The following CRPPA variants were observed in gnomAD, a reference collection of about 807,000 sequenced individuals.
CRPPA encodes D-ribitol-5-phosphate cytidylyltransferase.
Under a neutral mutation model 52.0 loss-of-function variants are expected in CRPPA, and 43 were observed. The observed-to-expected ratio is 0.83, with a 90% confidence interval of 0.65 to 1.07. CRPPA has a LOEUF of 1.07. Ranked by LOEUF, CRPPA falls within the 50% of genes least tolerant of loss-of-function variation. The pLI is 0.00. For missense variants in CRPPA, 629 were observed against 551.7 expected (o/e 1.14, Z -1.40); for synonymous variants, 250 against 203.5 (o/e 1.23, Z -1.94).
chr7:16,161,631 T>G (rs1044204432), intron 9 of CRPPA, among the ~76,000 whole-genome samples: 1 of 152,212 alleles, frequency 6.6e-6, no homozygotes, highest in Non-Finnish European at 1.5e-5. Flanking sequence ...TCAGGGATAT[T>G]GGCCTGAAAT....
chr7:16,318,657 G>A (rs1052776848), intron 3 of CRPPA, among the ~76,000 whole-genome samples: 8 of 152,054 alleles, frequency 5.3e-5, no homozygotes, highest in African/African-American at 1.9e-4. Flanking sequence ...CAGACTGGAG[G>A]GGCAGCAACC....
In CRPPA at chr7:16,226,639, A is replaced by C. The variant is rs575064668; in HGVS notation, c.1120-10442T>G. Among the ~76,000 whole-genome samples the C allele has an allele frequency of 2.0e-5, 3 of 152,074 alleles. No homozygotes were observed. The East Asian group carries it at 5.8e-4, about 29-fold the overall frequency. On this transcript the variant is annotated intron_variant, in intron 8 of 9. Transcript: ENST00000407010. ...CTATATTTCAAGAGGTCATAGCCTC[A>C]GTTAGATAGTGGCTACCACATATAA...
Position 16,240,438 on chromosome 7 carries a change from A to C in CRPPA, c.1119+17952T>G, listed in dbSNP as rs80024336. ...GTGCCAACATAAAAATTCAGTATAT[A>C]ATAAAGCTATAGTTTTTCTGATTAA... is the stretch of plus-strand genomic sequence containing the variant. On this transcript the variant is annotated intron_variant, in intron 8 of 9. Coordinates refer to ENST00000407010, the MANE Select transcript of CRPPA (RefSeq NM_001101426.4). Among the ~76,000 whole-genome samples the C allele has an allele frequency of 8.5e-3, 1,288 of 152,104 alleles. 20 individuals are homozygous for C. Among genetic ancestry groups the C allele is most frequent in the African/African-American group, 0.029 (1,214 of 41,474 alleles).
chr7:16,401,758 A>G (rs1159852616), intron 2 of CRPPA, among the ~76,000 whole-genome samples: 1 of 152,166 alleles, frequency 6.6e-6, no homozygotes, highest in Non-Finnish European at 1.5e-5. Flanking sequence ...TCTTTATCTG[A>G]CTTAATTACG....
At chr7:16,389,911 T>TCCA (rs1562673584) in intron 2 of CRPPA, among the ~76,000 whole-genome samples, 4 of 3,150 alleles carry the variant, frequency 1.3e-3, no homozygotes, top group African/African-American at 9.8e-3. Context: ...AAGCCTAGTA[T>TCCA]ACAAAAAAAA....
At chr7:16,243,330 T>G (rs192439341) in intron 8 of CRPPA, among the ~76,000 whole-genome samples, 19 of 152,322 alleles carry the variant, frequency 1.2e-4, no homozygotes, top group Non-Finnish European at 1.3e-4. Context: ...TTACAGGTTG[T>G]CCTGTCTAGA....
At chr7:16,407,215 T>A (rs1787974987) in intron 1 of CRPPA, among the ~76,000 whole-genome samples, 1 of 152,132 alleles carries the variant, frequency 6.6e-6, no homozygotes, top group African/African-American at 2.4e-5. Context: ...TGACCTCAGG[T>A]GACCCACCCA....
At chr7:16,340,495 C>T (rs1037540196) in intron 3 of CRPPA, among the ~76,000 whole-genome samples, 4 of 150,604 alleles carry the variant, frequency 2.7e-5, no homozygotes, top group Non-Finnish European at 4.4e-5. Flanking sequence ...AAATGATGCT[C>T]ATAGGTCATT....
chr7:16,167,919 C>T (rs1781101242), intron 9 of CRPPA, among the ~76,000 whole-genome samples: 2 of 152,168 alleles, frequency 1.3e-5, no homozygotes, highest in Non-Finnish European at 2.9e-5. Flanking sequence ...AAACAGAACA[C>T]TTTGTCTTAT....
At chr7:16,224,276 T>C (rs752625563) in intron 8 of CRPPA, among the ~76,000 whole-genome samples, 4 of 152,152 alleles carry the variant, frequency 2.6e-5, no homozygotes, top group Non-Finnish European at 4.4e-5. Flanking sequence ...ACTTTTTATA[T>C]TTTAAAATGG....
In CRPPA at chr7:16,089,397, C is replaced by A; in HGVS notation, c.*2298G>T. The A allele has an allele frequency of 2.8e-6, 1 of 357,710 alleles. No individual in the cohort carries two copies. The highest frequency in any genetic ancestry group is 1.9e-5 in the South Asian group (1 of 53,578). 22.2% of individuals were successfully genotyped at this position (357,710 alleles called of 1,614,324 possible). ...ACATATATACGTATATATGTATGTA[C>A]ATAATGTGTATATATGTACGTACAT... On this transcript the variant is annotated 3_prime_UTR_variant, in exon 10 of 10. Coordinates refer to ENST00000407010, the MANE Select transcript of CRPPA (RefSeq NM_001101426.4).
chr7:16,352,599 A>G (rs1422373706), intron 3 of CRPPA, among the ~76,000 whole-genome samples: 1 of 152,142 alleles, frequency 6.6e-6, no homozygotes, highest in Non-Finnish European at 1.5e-5. Context: ...CAGCCAATCT[A>G]AGAAGTATTG....
chr7:16,320,907 A>G (rs990074985), intron 3 of CRPPA, among the ~76,000 whole-genome samples: 4 of 152,206 alleles, frequency 2.6e-5, no homozygotes, highest in African/African-American at 9.6e-5. Context: ...GAGGCTGATA[A>G]TATAGCTACA....
intron 9 of CRPPA, among the ~76,000 whole-genome samples, chr7:16,213,422 T>G (rs1782204871): frequency 6.6e-6 from 1 of 152,148 alleles, no homozygotes; most frequent in African/African-American, 2.4e-5. Context: ...TTTATAATAA[T>G]TCTCAACAAT....
At chr7:16,389,609 GAA>G (rs1412615445) in intron 2 of CRPPA, among the ~76,000 whole-genome samples, 7 of 151,956 alleles carry the variant, frequency 4.6e-5, no homozygotes, top group Admixed American at 3.9e-4. Context: ...TGCTCAACCT[GAA>G]AAAGAGTGTT....
intron 8 of CRPPA, among the ~76,000 whole-genome samples, chr7:16,221,487 C>T (rs1324188158): frequency 6.6e-6 from 1 of 152,170 alleles, no homozygotes; most frequent in South Asian, 2.1e-4. Context: ...GCAAAAGAAA[C>T]TACCATCAGA....
intron 9 of CRPPA, among the ~76,000 whole-genome samples, chr7:16,134,257 C>A (rs1782726230): frequency 8.0e-6 from 1 of 125,012 alleles, no homozygotes; most frequent in African/African-American, 2.6e-5. Flanking sequence ...CATCTTTTCC[C>A]TAGCTTACTT....
chr7:16,357,692 G>A (rs1180159875), intron 3 of CRPPA, among the ~76,000 whole-genome samples: 2 of 152,124 alleles, frequency 1.3e-5, no homozygotes, highest in Middle Eastern at 3.2e-3. Flanking sequence ...AGTCATAAAC[G>A]CCACAATAAT....
intron 5 of CRPPA, among the ~76,000 whole-genome samples, chr7:16,286,854 A>G (rs892477626): frequency 1.3e-5 from 2 of 152,190 alleles, no homozygotes; most frequent in African/African-American, 4.8e-5. Flanking sequence ...TTCCTGAGGA[A>G]AGGCTTTTCA....
Sources: gnomAD v4.1 joint callset for allele counts (sites outside exome capture counted in the v4.1 genomes callset) on GRCh38, gnomAD v4.1.1 for gene constraint, MANE v1.5 for transcripts, NCBI Gene and HGNC (gene_info 2026-07-23, HGNC 2026-07-21) for gene names.